The following SLC14A2 variants were observed in gnomAD, a reference collection of about 807,000 sequenced individuals.
SLC14A2 encodes the protein solute carrier family 14 member 2, also known as urea transporter 2.
In SLC14A2, 91 loss-of-function variants were observed where a neutral mutation model predicts 104.6. That is an observed-to-expected ratio of 0.87 (90% CI 0.73 to 1.04). The LOEUF is 1.04. Ranked by LOEUF, SLC14A2 falls within the 50% of genes least tolerant of loss-of-function variation. The pLI is 0.00. For synonymous variants in SLC14A2, 476 were observed against 466.4 expected (o/e 1.02, Z -0.27); for missense variants, 1,189 against 1,156.0 (o/e 1.03, Z -0.41).
In SLC14A2 at chr18:45,641,194, C is replaced by T. The variant is rs146881069; in HGVS notation, c.992-15C>T. On this transcript the variant is annotated splice_polypyrimidine_tract_variant and intron_variant, in intron 7 of 19. Coordinates refer to ENST00000255226, the MANE Select transcript of SLC14A2 (RefSeq NM_007163.4). ...GGCCCAGAATCAGACAGAAATACCACACCTTGTCCCATAGCCCTGTCAGTG... is the reference window on the plus strand; with the variant it reads ...GGCCCAGAATCAGACAGAAATACCATACCTTGTCCCATAGCCCTGTCAGTG... 1.5e-3 allele frequency: 2,377 copies of T among 1,613,232 alleles called. 27 individuals are homozygous for T. The African/African-American group carries it at 0.028, about 19-fold the overall frequency.
At chr18:45,475,707 T>C (rs1179917063) in intron 1 of SLC14A2, among the ~76,000 whole-genome samples, 2 of 137,866 alleles carry the variant, frequency 1.5e-5, no homozygotes, top group Non-Finnish European at 3.1e-5. Context: ...TCTCTTCTTG[T>C]TGCATTGATC....
intron 1 of SLC14A2, among the ~76,000 whole-genome samples, chr18:45,471,584 T>C (rs1482517834): frequency 6.6e-6 from 1 of 152,138 alleles, no homozygotes; most frequent in Non-Finnish European, 1.5e-5. Context: ...ATTTCTATCA[T>C]GTTCTTTCTT....
At chr18:45,471,598 C>T (rs1339519082) in intron 1 of SLC14A2, among the ~76,000 whole-genome samples, 1 of 151,880 alleles carries the variant, frequency 6.6e-6, no homozygotes, top group Non-Finnish European at 1.5e-5. Context: ...CTTTCTTATT[C>T]CTTTTTAACT....
chr18:45,553,154 T>G (rs1189834156), intron 2 of SLC14A2, among the ~76,000 whole-genome samples: 1 of 152,204 alleles, frequency 6.6e-6, no homozygotes, highest in Non-Finnish European at 1.5e-5. Context: ...CTTCCCAGCC[T>G]AATAACAGTT....
At chr18:45,439,010 A>G (rs12960143) in intron 1 of SLC14A2, among the ~76,000 whole-genome samples, 21,229 of 152,246 alleles carry the variant, frequency 0.14, 1,564 homozygotes, top group Middle Eastern at 0.22. Context: ...CAGGCTAGAC[A>G]TGATAGATTA....
intron 2 of SLC14A2, among the ~76,000 whole-genome samples, chr18:45,585,810 C>G (rs539576095): frequency 1.3e-5 from 2 of 152,344 alleles, no homozygotes; most frequent in East Asian, 3.9e-4. Flanking sequence ...CTCAGAGATG[C>G]TCTGATGGCC....
intron 1 of SLC14A2, among the ~76,000 whole-genome samples, chr18:45,244,825 A>C (rs974862839): frequency 6.6e-6 from 1 of 152,248 alleles, no homozygotes; most frequent in Non-Finnish European, 1.5e-5. Flanking sequence ...TAAACTCTCT[A>C]AAATTTTTGC....
intron 1 of SLC14A2, among the ~76,000 whole-genome samples, chr18:45,277,806 C>T (rs970106737): frequency 1.3e-5 from 2 of 152,192 alleles, no homozygotes; most frequent in Admixed American, 6.5e-5. Flanking sequence ...ACAAGAAGCA[C>T]ACAAAAATGT....
chr18:45,284,574 C>T (rs1419735362), intron 1 of SLC14A2, among the ~76,000 whole-genome samples: 1 of 152,178 alleles, frequency 6.6e-6, no homozygotes, highest in Non-Finnish European at 1.5e-5. Flanking sequence ...TTCCAGCCTA[C>T]AGGGAGTGAC....
In SLC14A2 at chr18:45,637,585, G is replaced by C. The variant is rs574721343; in HGVS notation, c.843+403G>C. ...ATACTAAAATAAACATTTAAAATTGGGATTTTAAAGGCATTAGCATAGAAG... is the reference window on the plus strand; with the variant it reads ...ATACTAAAATAAACATTTAAAATTGCGATTTTAAAGGCATTAGCATAGAAG... On this transcript the variant is annotated intron_variant, in intron 6 of 19. Transcript: ENST00000255226. 2.6e-4 allele frequency among the ~76,000 whole-genome samples: 39 copies of C among 152,140 alleles called. No individual in the cohort carries two copies. In the South Asian group the frequency reaches 6.9e-3, roughly 27 times the overall value.
At chr18:45,330,419 C>A (rs1229047496) in intron 1 of SLC14A2, among the ~76,000 whole-genome samples, 1 of 152,158 alleles carries the variant, frequency 6.6e-6, no homozygotes, top group Non-Finnish European at 1.5e-5. Context: ...AGCACACGGC[C>A]TTCTGATGGG....
upstream of SLC14A2, among the ~76,000 whole-genome samples, chr18:45,212,606 G>A (rs1247137315): frequency 6.6e-6 from 1 of 151,984 alleles, no homozygotes; most frequent in Admixed American, 6.6e-5. Context: ...CACCTATATT[G>A]ATCCCTTATC....
intron 1 of SLC14A2, among the ~76,000 whole-genome samples, chr18:45,281,264 CA>C (rs1259106607): frequency 6.6e-6 from 1 of 152,162 alleles, no homozygotes; most frequent in East Asian, 1.9e-4. Context: ...TCCAACTCAG[CA>C]ACCTTATTTG....
chr18:45,405,958 A>C (rs1284098156), intron 1 of SLC14A2, among the ~76,000 whole-genome samples: 1 of 150,010 alleles, frequency 6.7e-6, no homozygotes, highest in African/African-American at 2.4e-5. Context: ...AATTTTTTTT[A>C]CTGGTAGATG....
intron 1 of SLC14A2, among the ~76,000 whole-genome samples, chr18:45,425,591 G>C (rs4890542): frequency 0.52 from 78,746 of 151,946 alleles, 20,930 homozygotes; most frequent in Admixed American, 0.66. Context: ...AGACATGTCT[G>C]CTCTGGGAGA....
chr18:45,367,587 C>G (rs759487985), intron 1 of SLC14A2, among the ~76,000 whole-genome samples: 1 of 152,198 alleles, frequency 6.6e-6, no homozygotes, highest in Non-Finnish European at 1.5e-5. Flanking sequence ...GTCACTTTCT[C>G]CCAGAAGTCC....
intron 19 of SLC14A2, among the ~76,000 whole-genome samples, chr18:45,679,649 T>G (rs767074746): frequency 3.9e-5 from 6 of 152,202 alleles, no homozygotes; most frequent in African/African-American, 1.4e-4. Context: ...ACACTTTGCA[T>G]GGACAACAAG....
intron 2 of SLC14A2, among the ~76,000 whole-genome samples, chr18:45,549,409 T>C (rs959153234): frequency 1.3e-5 from 2 of 152,188 alleles, no homozygotes; most frequent in Non-Finnish European, 2.9e-5. Context: ...AGCTGCCTTC[T>C]CAAATCCTGA....
rs1440420814 is a variant in SLC14A2 at position 45,675,507 on chromosome 18, C to T, written c.2512+1690C>T. Among the ~76,000 whole-genome samples the T allele has an allele frequency of 2.6e-5, 4 of 151,460 alleles. No individual in the cohort carries two copies. The East Asian group carries it at 5.8e-4, about 22-fold the overall frequency. On this transcript the variant is annotated intron_variant, in intron 18 of 19. Coordinates refer to ENST00000255226, the MANE Select transcript of SLC14A2 (RefSeq NM_007163.4). ...ACACATACAAGTGGAGTTTGGGGGG[C>T]GTTTTACTGTTGTTGTTGTTGTTTT...
Sources: gnomAD v4.1 joint callset for allele counts (sites outside exome capture counted in the v4.1 genomes callset) on GRCh38, gnomAD v4.1.1 for gene constraint, MANE v1.5 for transcripts, NCBI Gene and HGNC (gene_info 2026-07-23, HGNC 2026-07-21) for gene names.